REEP5: variants seen among roughly 807,000 people sequenced by gnomAD.
The protein encoded by REEP5 is receptor expression-enhancing protein 5.
REEP5 carries 24 observed loss-of-function variants against 22.4 expected under a neutral mutation model. The ratio of observed to expected loss-of-function variants is 1.07; its 90% CI spans 0.78 to 1.51. The LOEUF is 1.51. Among genes scored for constraint, REEP5 ranks in the 40% most tolerant of loss-of-function variants. The pLI, the probability that REEP5 is intolerant of heterozygous loss-of-function variation, is 0.00. For missense variants in REEP5, 252 were observed against 233.0 expected, an observed-to-expected ratio of 1.08 and a Z score of -0.53; for synonymous variants, 103 against 88.6, an observed-to-expected ratio of 1.16 and a Z score of -0.92.
chr5:112,879,314 A>C (rs1212644600), intron 4 of REEP5, among the ~76,000 whole-genome samples: 1 of 40,308 alleles, frequency 2.5e-5, no homozygotes, highest in Non-Finnish European at 3.8e-5. Flanking sequence ...TCATCCCTTG[A>C]TATATGTGTT....
intron 2 of REEP5, among the ~76,000 whole-genome samples, chr5:112,907,095 T>C (rs910294612): frequency 6.6e-6 from 1 of 152,190 alleles, no homozygotes; most frequent in Admixed American, 6.5e-5. Context: ...TCACTAAGAT[T>C]TCAAGAACTG....
intron 4 of REEP5, chr5:112,885,764 T>C: frequency 3.8e-6 from 1 of 265,916 alleles, no homozygotes; most frequent in Non-Finnish European, 7.9e-6. Flanking sequence ...TTTGACTACA[T>C]ATATGCCAAG....
chr5:112,900,309 G>A (rs1222777604), intron 3 of REEP5, among the ~76,000 whole-genome samples: 3 of 152,072 alleles, frequency 2.0e-5, no homozygotes, highest in African/African-American at 7.2e-5. Flanking sequence ...GCTGCCCACT[G>A]TCATATAGAA....
chr5:112,880,260 G>A (rs1201194862), intron 4 of REEP5, among the ~76,000 whole-genome samples: 1 of 152,136 alleles, frequency 6.6e-6, no homozygotes, highest in Non-Finnish European at 1.5e-5. Context: ...AGAAAAAAAA[G>A]AAAAATATAT....
intron 2 of REEP5, among the ~76,000 whole-genome samples, chr5:112,909,448 A>G (rs1769041781): frequency 6.6e-6 from 1 of 151,896 alleles, no homozygotes; most frequent in African/African-American, 2.4e-5. Flanking sequence ...GAGGGTTTAT[A>G]TGGCTAATAA....
chr5:112,878,956 G>A (rs1418189872), intron 4 of REEP5, 121 bp from the exon 5 acceptor site: 1 of 1,472,030 alleles, frequency 6.8e-7, no homozygotes, highest in African/African-American at 1.4e-5. Flanking sequence ...TCATGTTCAG[G>A]TGCGATCATG....
chr5:112,912,916 CTA>C (rs1242708468), intron 2 of REEP5, among the ~76,000 whole-genome samples: 1 of 152,272 alleles, frequency 6.6e-6, no homozygotes, highest in East Asian at 1.9e-4. Context: ...AGGCAGGAAA[CTA>C]TGCGTGATCA....
At chr5:112,897,248 A>G (rs909439278) in intron 3 of REEP5, 1 of 152,094 alleles carries the variant, frequency 6.6e-6, no homozygotes, top group Non-Finnish European at 1.5e-5. Context: ...GTTTTTATTT[A>G]TATACACAGA....
intron 3 of REEP5, chr5:112,891,718 G>T (rs200794918): frequency 6.2e-7 from 1 of 1,614,060 alleles, no homozygotes; most frequent in Non-Finnish European, 8.5e-7. Context: ...GTACAGGGCC[G>T]CCCTGAAGAA....
rs750836967 is a variant in REEP5 at position 112,922,217 on chromosome 5, C to A, written c.-27G>T. 3.0e-5 allele frequency: 48 copies of A among 1,594,946 alleles called. No homozygotes were observed. The highest frequency in any genetic ancestry group is 7.9e-5 in the South Asian group (7 of 88,716). ...GCGGGGACCGTCTCGCCGCTCGGGG[C>A]TGTTCCTAGTGCCGGATAGACTGGA... On this transcript the variant is annotated 5_prime_UTR_variant, in exon 1 of 5. Coordinates refer to ENST00000379638, the MANE Select transcript of REEP5 (RefSeq NM_005669.5).
chr5:112,910,572 A>C (rs1296630163), intron 2 of REEP5, among the ~76,000 whole-genome samples: 1 of 152,200 alleles, frequency 6.6e-6, no homozygotes, highest in African/African-American at 2.4e-5. Context: ...TGATCTGGAG[A>C]GAGTATCTGT....
At chr5:112,907,262 C>T (rs1046959048) in intron 2 of REEP5, among the ~76,000 whole-genome samples, 10 of 152,088 alleles carry the variant, frequency 6.6e-5, no homozygotes, top group Non-Finnish European at 8.8e-5. Flanking sequence ...TCTCTAGTAC[C>T]GCCTCATCCT....
At chr5:112,879,919 C>A (rs150745079) in intron 4 of REEP5, among the ~76,000 whole-genome samples, 8 of 151,878 alleles carry the variant, frequency 5.3e-5, no homozygotes, top group East Asian at 1.9e-4. Context: ...CCCCACCCCC[C>A]ACCTCTATTT....
chr5:112,908,779 T>TCTCCTGACCTCGTGATCCGCCCAC (rs1275561136), intron 2 of REEP5, among the ~76,000 whole-genome samples: 1 of 151,722 alleles, frequency 6.6e-6, no homozygotes, highest in African/African-American at 2.4e-5. Flanking sequence ...ATTGTCTCGA[T>TCTCCTGACCTCGTGATCCGCCCAC]CTCCTGACCT....
chr5:112,921,469 G>A (rs965204143), intron 1 of REEP5: 2 of 590,806 alleles, frequency 3.4e-6, no homozygotes, highest in African/African-American at 3.7e-5. Flanking sequence ...CCACCATTGT[G>A]CCTCTCCTAC....
intron 2 of REEP5, among the ~76,000 whole-genome samples, chr5:112,906,205 G>C (rs1228317392): frequency 1.3e-5 from 2 of 152,190 alleles, no homozygotes; most frequent in African/African-American, 4.8e-5. Context: ...TGTAGGATAG[G>C]TATTGTTCCT....
chr5:112,907,490 T>C (rs1025388891), intron 2 of REEP5, among the ~76,000 whole-genome samples: 12 of 152,176 alleles, frequency 7.9e-5, no homozygotes, highest in African/African-American at 2.9e-4. Flanking sequence ...CCAAAGCAGA[T>C]ATCAAGAGAA....
chr5:112,879,194 T>C lies in REEP5; in HGVS notation c.521-359A>G, dbSNP rs562790208. Among the ~76,000 whole-genome samples, 7 of 152,254 alleles carry C rather than the reference T, an allele frequency of 4.6e-5. No individual in the cohort carries two copies. In the East Asian group the frequency reaches 1.4e-3, roughly 29 times the overall value. ...TTCTATTTGTATCTGTGTGCTTGCC[T>C]GTAAGATTTCACTTATCAATATATT... On this transcript the variant is annotated intron_variant, in intron 4 of 4. Coordinates refer to ENST00000379638, the MANE Select transcript of REEP5 (RefSeq NM_005669.5).
At chr5:112,893,552 A>G (rs1768572960) in intron 3 of REEP5, 2 of 154,158 alleles carry the variant, frequency 1.3e-5, no homozygotes, top group Non-Finnish European at 1.4e-5. Flanking sequence ...CCTTACATTT[A>G]AAGACTCCAA....
Sources: allele counts gnomAD v4.1 joint callset (sites outside exome capture counted in the v4.1 genomes callset), GRCh38; gene constraint gnomAD v4.1.1; transcripts MANE v1.5; gene names NCBI Gene and HGNC (gene_info 2026-07-23, HGNC 2026-07-21).